Variants in HGSNAT observed in about 807,000 individuals in gnomAD.
HGSNAT encodes transmembrane protein 76.
In HGSNAT, 59 loss-of-function variants were observed where a neutral mutation model predicts 85.2. The observed-to-expected ratio is 0.69, with a 90% CI of 0.56 to 0.86. The LOEUF (loss-of-function observed/expected upper bound fraction) is 0.86. Ranked by LOEUF, HGSNAT falls within the 40% of genes least tolerant of loss-of-function variation. The pLI is 0.00. For synonymous variants in HGSNAT, 321 were observed against 304.5 expected, an observed-to-expected ratio of 1.05 and a Z score of -0.56; for missense variants, 756 against 777.1, an observed-to-expected ratio of 0.97 and a Z score of 0.32.
chr8:43,160,757 G>A (rs543467929), intron 4 of HGSNAT, among the ~76,000 whole-genome samples: 22 of 152,078 alleles, frequency 1.4e-4, no homozygotes, highest in African/African-American at 4.3e-4. Flanking sequence ...ATCCTTCTCC[G>A]GTGCTGGATT....
chr8:43,182,544 A>G (rs951794036), intron 11 of HGSNAT: 6 of 425,274 alleles, frequency 1.4e-5, no homozygotes, highest in Non-Finnish European at 2.6e-5. Context: ...CCCAGGCTTA[A>G]GCGATCCTCC....
intron 12 of HGSNAT, among the ~76,000 whole-genome samples, 151 bp downstream of exon 12, chr8:43,191,746 C>T (rs373659449): frequency 1.1e-4 from 17 of 152,106 alleles, no homozygotes; most frequent in African/African-American, 4.1e-4. Context: ...GAGATTGGCA[C>T]GTGTCCAGAG....
chr8:43,166,314 AAGATGCCATCTAAGACTTTTAAT>A (rs1803433953), intron 5 of HGSNAT, among the ~76,000 whole-genome samples: 2 of 152,370 alleles, frequency 1.3e-5, no homozygotes, highest in South Asian at 2.1e-4. Flanking sequence ...CTATTGGAAG[AAGATGCCATCTAAGACTTTTAAT>A]AGCCAGGAAG....
chr8:43,149,661 C>T (rs1438832943), intron 2 of HGSNAT, among the ~76,000 whole-genome samples: 1 of 151,158 alleles, frequency 6.6e-6, no homozygotes, highest in Non-Finnish European at 1.5e-5. Flanking sequence ...GATCGGGCCA[C>T]TGTACTCCAG....
rs750046807 is a variant in HGSNAT at position 43,161,459 on chromosome 8, T to C, written c.515T>C (p.Ile172Thr). 10 of 1,613,072 alleles carry C rather than the reference T, an allele frequency of 6.2e-6. No homozygotes were observed. The highest frequency in any genetic ancestry group is 8.5e-6 in the Non-Finnish European group (10 of 1,179,442). The change falls in exon 5 of 18, where the codon ATT becomes ACT. Residue 172 changes from isoleucine (I) to threonine (T), a missense_variant. Coordinates refer to ENST00000379644, the MANE Select transcript of HGSNAT (RefSeq NM_152419.3). The part of the protein sequence containing the change: ...SNLPVSIAFL[I>T]GLAVIIVISF... ...CTAGCTGTGAGCATTGCATTCCTTA[T>C]TGGTCTTGCTGTCATCATTGTGATA...
chr8:43,193,573 T>G (rs527508907), intron 13 of HGSNAT, among the ~76,000 whole-genome samples, 184 bp from the exon 14 acceptor site: 73 of 152,340 alleles, frequency 4.8e-4, no homozygotes, highest in African/African-American at 1.7e-3. Flanking sequence ...GTGTCCACAC[T>G]GCACACTTTC....
chr8:43,196,415 G>A (rs773373085), intron 14 of HGSNAT: 77 of 1,278,076 alleles, frequency 6.0e-5, no homozygotes, highest in Non-Finnish European at 7.4e-5. Flanking sequence ...ACCCTGTCCC[G>A]GTCCCTCTTC....
chr8:43,194,266 G>A, intron 14 of HGSNAT: 1 of 514,114 alleles, frequency 1.9e-6, no homozygotes, highest in Non-Finnish European at 2.5e-6. Context: ...AGGCATGATG[G>A]CACACACCTG....
chr8:43,179,543 ACCG>A (rs1285258572), intron 10 of HGSNAT, among the ~76,000 whole-genome samples: 1 of 50,862 alleles, frequency 2.0e-5, no homozygotes, highest in Non-Finnish European at 3.8e-5. Flanking sequence ...GACCCCCCCC[ACCG>A]CCTCCCTCCC....
Position 43,199,531 on chromosome 8 carries a change from T to C in HGSNAT, c.1870T>C (p.Tyr624His), listed in dbSNP as rs1323309540. 2 of 1,593,868 alleles carry C rather than the reference T, an allele frequency of 1.3e-6. No individual in the cohort carries two copies. The highest frequency in any genetic ancestry group is 1.7e-6 in the Non-Finnish European group (2 of 1,170,102). ...CACTGCCCTCTGGGTGCTCATTGCC[T>C]ACATCCTCTATAGAAAGAAGATTTT... ...VATALWVLIA[Y>H]ILYRKKIFWK... Residue 624 changes from tyrosine to histidine, a missense_variant, in exon 18 of 18, where the codon TAC becomes CAC. Tyr to His is a moderately conservative substitution (Grantham distance 83, BLOSUM62 2). Coordinates refer to ENST00000379644, the MANE Select transcript of HGSNAT (RefSeq NM_152419.3).
intron 2 of HGSNAT, among the ~76,000 whole-genome samples, chr8:43,157,749 A>G (rs1803136318): frequency 6.6e-6 from 1 of 152,110 alleles, no homozygotes; most frequent in South Asian, 2.1e-4. Flanking sequence ...CTGCACTCCA[A>G]CCTGGGTGAC....
intron 16 of HGSNAT, 31 bp from the exon 17 acceptor site, chr8:43,197,809 A>G: frequency 6.2e-7 from 1 of 1,602,068 alleles, no homozygotes; most frequent in Non-Finnish European, 8.6e-7. Flanking sequence ...GTTCCGTACG[A>G]GCACTGAAAC....
chr8:43,157,491 C>CT (rs35153415), intron 2 of HGSNAT, among the ~76,000 whole-genome samples: 114,076 of 152,038 alleles, frequency 0.75, 45,164 homozygotes, highest in Non-Finnish European at 0.88. Context: ...GAATAAGAAC[C>CT]TTGGCCAGGC....
intron 2 of HGSNAT, among the ~76,000 whole-genome samples, chr8:43,150,584 A>T (rs1402374822): frequency 6.6e-6 from 1 of 152,172 alleles, no homozygotes; most frequent in Non-Finnish European, 1.5e-5. Flanking sequence ...CTGTAATCCC[A>T]GCACTCTGGG....
Position 43,192,437 on chromosome 8 carries a change from G to C in HGSNAT, c.1377+7G>C, listed in dbSNP as rs1225445756. ...CCAGCACCCATCTTCTGCTGTGAGT[G>C]AGACTCGAGTTCGCTTAGAACTGGA... On this transcript the variant is annotated splice_region_variant and intron_variant, in intron 13 of 17. Coordinates refer to ENST00000379644, the MANE Select transcript of HGSNAT (RefSeq NM_152419.3). The C allele has an allele frequency of 2.5e-6, 4 of 1,603,730 alleles. No individual in the cohort carries two copies. Among genetic ancestry groups the C allele is most frequent in the Non-Finnish European group, 3.4e-6 (4 of 1,174,784 alleles).
At chr8:43,172,238 T>C in intron 7 of HGSNAT, 72 bp from the exon 8 acceptor site, 2 of 1,003,740 alleles carry the variant, frequency 2.0e-6, no homozygotes, top group East Asian at 2.4e-5. Flanking sequence ...TGAGTATAAA[T>C]GTGTCTTCAG....
At chr8:43,178,401 T>G (rs1411191235) in intron 10 of HGSNAT, among the ~76,000 whole-genome samples, 167 bp downstream of exon 10, 1 of 152,036 alleles carries the variant, frequency 6.6e-6, no homozygotes, top group Non-Finnish European at 1.5e-5. Flanking sequence ...TATTATTATT[T>G]TTGAATTTTA....
chr8:43,192,459 T>C, intron 13 of HGSNAT, 29 bp downstream of exon 13: 2 of 1,577,770 alleles, frequency 1.3e-6, no homozygotes, highest in Non-Finnish European at 8.6e-7. Context: ...CGCTTAGAAC[T>C]GGAACTCAGG....
intron 9 of HGSNAT, among the ~76,000 whole-genome samples, chr8:43,177,399 A>G: frequency 6.6e-6 from 1 of 151,956 alleles, no homozygotes; most frequent in Non-Finnish European, 1.5e-5. Flanking sequence ...AAAATACAAA[A>G]AAAAGAAAAT....
Sources: allele counts gnomAD v4.1 joint callset (sites outside exome capture counted in the v4.1 genomes callset), GRCh38; gene constraint gnomAD v4.1.1; transcripts MANE v1.5; gene names NCBI Gene and HGNC (gene_info 2026-07-23, HGNC 2026-07-21).